Variants in CNTNAP5 observed in about 807,000 individuals in gnomAD.
CNTNAP5 encodes the protein contactin-associated protein-like 5.
CNTNAP5 carries 72 observed loss-of-function variants against 150.2 expected under a neutral mutation model. The observed-to-expected ratio is 0.48, with a 90% CI of 0.40 to 0.58. CNTNAP5 has a LOEUF of 0.58. Ranked by LOEUF, CNTNAP5 falls within the 20% of genes least tolerant of loss-of-function variation. The probability of loss-of-function intolerance (pLI) is 0.00; values close to 1 mark genes in which losing one functional copy is unlikely to be tolerated. For synonymous variants in CNTNAP5, 672 were observed against 619.8 expected, an observed-to-expected ratio of 1.08 and a Z score of -1.25; for missense variants, 1,636 against 1,626.2, an observed-to-expected ratio of 1.01 and a Z score of -0.10.
chr2:124,588,034 C>T (rs1023702966), intron 11 of CNTNAP5, among the ~76,000 whole-genome samples: 7 of 151,976 alleles, frequency 4.6e-5, no homozygotes, highest in Admixed American at 3.9e-4. Context: ...AGGCCTGTCA[C>T]GATTTAATAA....
chr2:124,169,232 G>T (rs1684876130), intron 1 of CNTNAP5, among the ~76,000 whole-genome samples: 1 of 152,024 alleles, frequency 6.6e-6, no homozygotes, highest in Non-Finnish European at 1.5e-5. Flanking sequence ...CATATCTCTT[G>T]TGGTGGCATT....
intron 19 of CNTNAP5, among the ~76,000 whole-genome samples, chr2:124,861,572 A>C (rs1677524534): frequency 6.6e-6 from 1 of 152,056 alleles, no homozygotes; most frequent in Non-Finnish European, 1.5e-5. Context: ...AGGGTGGCAG[A>C]GTGAGACTCC....
chr2:124,811,233 T>A (rs923959085), intron 19 of CNTNAP5, among the ~76,000 whole-genome samples: 1 of 151,964 alleles, frequency 6.6e-6, no homozygotes, highest in Non-Finnish European at 1.5e-5. Flanking sequence ...CTAAAATGGA[T>A]AAATCAAGAA....
intron 3 of CNTNAP5, among the ~76,000 whole-genome samples, chr2:124,269,051 G>T (rs1328523450): frequency 6.6e-6 from 1 of 151,996 alleles, no homozygotes; most frequent in East Asian, 1.9e-4. Context: ...AAGCCCAGGA[G>T]AGTACCCCCT....
At chr2:124,735,098 G>A (rs1438069935) in intron 13 of CNTNAP5, among the ~76,000 whole-genome samples, 1 of 152,134 alleles carries the variant, frequency 6.6e-6, no homozygotes, top group Non-Finnish European at 1.5e-5. Context: ...TTTGGGCAGA[G>A]AATTCTAGCT....
At chr2:124,604,735 G>A (rs113633316) in intron 11 of CNTNAP5, among the ~76,000 whole-genome samples, 3,210 of 152,290 alleles carry the variant, frequency 0.021, 40 homozygotes, top group Middle Eastern at 0.037. Context: ...AAATGGCAAT[G>A]CTGTTACCAG....
intron 1 of CNTNAP5, among the ~76,000 whole-genome samples, chr2:124,035,400 TC>T (rs918336102): frequency 0.014 from 127 of 8,916 alleles, no homozygotes; most frequent in East Asian, 0.083. Context: ...TCTACTCCTT[TC>T]CTTTCTATCT....
At chr2:124,158,811 C>T (rs1457008233) in intron 1 of CNTNAP5, among the ~76,000 whole-genome samples, 1 of 152,140 alleles carries the variant, frequency 6.6e-6, no homozygotes, top group African/African-American at 2.4e-5. Context: ...CTAGGGTGAA[C>T]ATTTGGCATA....
chr2:124,845,971 A>ATTT (rs1413722373), intron 19 of CNTNAP5, among the ~76,000 whole-genome samples: 11 of 144,910 alleles, frequency 7.6e-5, no homozygotes, highest in African/African-American at 2.9e-4. Context: ...GTATTTTGTC[A>ATTT]TTTTTGTTGT....
chr2:124,846,148 A>G lies in CNTNAP5; in HGVS notation c.3218-19158A>G, dbSNP rs573253341. Among the ~76,000 whole-genome samples the G allele has an allele frequency of 1.1e-3, 173 of 152,276 alleles. 1 individual carries two copies. Among genetic ancestry groups the G allele is most frequent in the African/African-American group, 3.9e-3 (163 of 41,564 alleles). On this transcript the variant is annotated intron_variant, in intron 19 of 23. Transcript: ENST00000682447. ...CTTTTTAATGTAGACATTTAATGCC[A>G]TAAACTTTCCTCTTAGCACCACTTT...
chr2:124,250,694 G>T (rs1262640657), intron 3 of CNTNAP5, among the ~76,000 whole-genome samples: 1 of 151,914 alleles, frequency 6.6e-6, no homozygotes, highest in Non-Finnish European at 1.5e-5. Context: ...CCAAAGAAAA[G>T]GACTCTAGGT....
chr2:124,639,307 T>A (rs77243958), intron 12 of CNTNAP5, among the ~76,000 whole-genome samples: 12,083 of 152,220 alleles, frequency 0.079, 615 homozygotes, highest in African/African-American at 0.14. Flanking sequence ...ACAATCTCAT[T>A]CATCTTGTGA....
chr2:124,712,737 C>T (rs76693524), intron 13 of CNTNAP5, among the ~76,000 whole-genome samples: 6,328 of 150,306 alleles, frequency 0.042, 479 homozygotes, highest in African/African-American at 0.15. Context: ...GGCCAGAGCA[C>T]TCTCAGCCTT....
intron 7 of CNTNAP5, among the ~76,000 whole-genome samples, chr2:124,476,846 T>C (rs781680110): frequency 6.6e-6 from 1 of 152,112 alleles, no homozygotes; most frequent in African/African-American, 2.4e-5. Flanking sequence ...TATCCTTTCC[T>C]CATCCTTTGG....
chr2:124,104,414 A>G lies in CNTNAP5; in HGVS notation c.82+78682A>G, dbSNP rs904737873. ...CTCTTGAACATGTAGACACACATCTATTCTAGACACCAATTAGATAGATAG... is the reference window on the plus strand; with the variant it reads ...CTCTTGAACATGTAGACACACATCTGTTCTAGACACCAATTAGATAGATAG... On this transcript the variant is annotated intron_variant, in intron 1 of 23. Transcript: ENST00000682447. 2.6e-5 allele frequency among the ~76,000 whole-genome samples: 4 copies of G among 152,124 alleles called. No individual in the cohort carries two copies. The South Asian group carries it at 8.3e-4, about 31-fold the overall frequency.
At chr2:124,701,328 C>T (rs1046423672) in intron 13 of CNTNAP5, among the ~76,000 whole-genome samples, 1 of 152,074 alleles carries the variant, frequency 6.6e-6, no homozygotes, top group African/African-American at 2.4e-5. Flanking sequence ...CCTCCATGCT[C>T]ATCTATGTTG....
At position 124,708,542 on chromosome 2, in the gene CNTNAP5, C is replaced by T. The variant is rs571428119; in HGVS notation, c.2078-38687C>T. ...CCAAACAAAGGCGGAAAATGTATCT[C>T]GGGATTGGAGGTACAAGGAAAACAC... is the stretch of plus-strand genomic sequence containing the variant. On this transcript the variant is annotated intron_variant, in intron 13 of 23. Coordinates refer to ENST00000682447, the MANE Select transcript of CNTNAP5 (RefSeq NM_001367498.1). Among the ~76,000 whole-genome samples the T allele has an allele frequency of 5.7e-4, 86 of 152,150 alleles. 1 individual carries two copies. The highest frequency in any genetic ancestry group is 2.0e-3 in the African/African-American group (82 of 41,528).
At chr2:124,128,329 C>T (rs1012383135) in intron 1 of CNTNAP5, among the ~76,000 whole-genome samples, 24 of 152,202 alleles carry the variant, frequency 1.6e-4, no homozygotes, top group Non-Finnish European at 3.1e-4. Context: ...CATCACTGGC[C>T]GTCAGAGAAA....
intron 19 of CNTNAP5, among the ~76,000 whole-genome samples, chr2:124,857,477 C>T (rs1222724281): frequency 2.0e-5 from 3 of 151,966 alleles, no homozygotes; most frequent in Non-Finnish European, 4.4e-5. Flanking sequence ...ACAGGACCAC[C>T]AGATTCTAGC....
Sources: allele counts gnomAD v4.1 joint callset (sites outside exome capture counted in the v4.1 genomes callset), GRCh38; gene constraint gnomAD v4.1.1; transcripts MANE v1.5; gene names NCBI Gene and HGNC (gene_info 2026-07-23, HGNC 2026-07-21).